Variants in EEPD1 observed in about 807,000 individuals in gnomAD.
EEPD1 encodes the protein endonuclease/exonuclease/phosphatase family domain-containing protein 1.
A neutral mutation model predicts 46.3 loss-of-function variants in EEPD1; 17 were observed. The ratio of observed to expected loss-of-function variants is 0.37; its 90% CI spans 0.25 to 0.55. EEPD1 has a LOEUF of 0.55. Among genes scored for constraint, EEPD1 ranks in the 20% least tolerant of loss-of-function variants. The pLI is 0.83. For synonymous variants in EEPD1, 313 were observed against 315.6 expected (o/e 0.99, Z 0.09); for missense variants, 673 against 745.6 (o/e 0.90, Z 1.13).
intron 3 of EEPD1, among the ~76,000 whole-genome samples, chr7:36,253,540 G>A (rs1289977862): frequency 6.6e-6 from 1 of 151,834 alleles, no homozygotes; most frequent in Non-Finnish European, 1.5e-5. Flanking sequence ...ATTGAAAGTG[G>A]GTATTGAACT....
At chr7:36,192,085 C>T (rs1237787546) in intron 2 of EEPD1, among the ~76,000 whole-genome samples, 2 of 152,236 alleles carry the variant, frequency 1.3e-5, no homozygotes, top group Admixed American at 6.5e-5. Flanking sequence ...ACACAGAGGC[C>T]TGAGTCGAAT....
chr7:36,191,021 A>G (rs17272724), intron 2 of EEPD1, among the ~76,000 whole-genome samples: 49,526 of 152,140 alleles, frequency 0.33, 9,304 homozygotes, highest in Non-Finnish European at 0.44. Flanking sequence ...TAGACTTACA[A>G]TGATTTCTAT....
intron 3 of EEPD1, among the ~76,000 whole-genome samples, chr7:36,261,280 G>A (rs1786917914): frequency 6.6e-6 from 1 of 152,214 alleles, no homozygotes; most frequent in Non-Finnish European, 1.5e-5. Context: ...TCCATTTATT[G>A]GGTTGGAAGA....
intron 2 of EEPD1, among the ~76,000 whole-genome samples, chr7:36,195,709 A>G (rs891720187): frequency 1.3e-5 from 2 of 152,166 alleles, no homozygotes; most frequent in Non-Finnish European, 2.9e-5. Context: ...AGAGAATAAC[A>G]ATGTATTCTA....
chr7:36,238,506 T>C (rs768060385), intron 2 of EEPD1, among the ~76,000 whole-genome samples: 1 of 152,238 alleles, frequency 6.6e-6, no homozygotes, highest in Non-Finnish European at 1.5e-5. Flanking sequence ...ATTTGTCTTT[T>C]GTGACTGGCT....
chr7:36,220,571 C>T (rs7780846), intron 2 of EEPD1, among the ~76,000 whole-genome samples: 17,232 of 152,212 alleles, frequency 0.11, 1,029 homozygotes, highest in East Asian at 0.21. Context: ...CCCTGAGCTC[C>T]AGTGGCAAAT....
intron 3 of EEPD1, among the ~76,000 whole-genome samples, chr7:36,242,316 G>A (rs1786568015): frequency 6.6e-6 from 1 of 151,980 alleles, no homozygotes; most frequent in South Asian, 2.1e-4. Flanking sequence ...CTCTCCCCGA[G>A]TCTGCTGATG....
At chr7:36,296,952 C>T (rs1787535209) in intron 6 of EEPD1, 41 bp from the exon 7 acceptor site, 3 of 1,605,182 alleles carry the variant, frequency 1.9e-6, no homozygotes, top group African/African-American at 2.7e-5. Context: ...GGTTTTACTT[C>T]CCAACAACTC....
rs746406539 is a variant in EEPD1 at position 36,299,091 on chromosome 7, G to A, written c.1595G>A (p.Cys532Tyr). 1 of 1,581,654 alleles carries A rather than the reference G, an allele frequency of 6.3e-7. No homozygotes were observed. The highest frequency in any genetic ancestry group is 8.6e-7 in the Non-Finnish European group (1 of 1,165,924). ...TGGGGCGGGGTGGCTTCTGAACACT[G>A]CCCAGTGCTAGCCGAGTTCTACACT... ...WSWGGVASEH[C>Y]PVLAEFYTEK... The change falls in exon 8 of 8, where the codon TGC becomes TAC. Residue 532 changes from cysteine (C) to tyrosine (Y), a missense_variant. Transcript: ENST00000242108.
intron 3 of EEPD1, among the ~76,000 whole-genome samples, chr7:36,275,447 T>TTTTA (rs1480492380): frequency 1.3e-5 from 2 of 151,978 alleles, no homozygotes; most frequent in Non-Finnish European, 2.9e-5. Context: ...TTATTATTAT[T>TTTTA]TTTATTTATT....
chr7:36,286,894 G>C (rs1253344889), intron 5 of EEPD1, among the ~76,000 whole-genome samples: 1 of 152,052 alleles, frequency 6.6e-6, no homozygotes, highest in South Asian at 2.1e-4. Context: ...GTCTCAAATT[G>C]CCTCAAGTGA....
chr7:36,238,189 G>A (rs1353266909), intron 2 of EEPD1, among the ~76,000 whole-genome samples: 2 of 152,146 alleles, frequency 1.3e-5, no homozygotes, highest in East Asian at 3.9e-4. Flanking sequence ...CATGTAATGA[G>A]CAGTGAGAGT....
chr7:36,299,093 C>G lies in EEPD1; in HGVS notation c.1597C>G (p.Pro533Ala). 2.6e-6 allele frequency: 4 copies of G among 1,565,772 alleles called. No homozygotes were observed. The highest frequency in any genetic ancestry group is 3.5e-6 in the Non-Finnish European group (4 of 1,158,372). The change falls in exon 8 of 8, where the codon CCA becomes GCA. Residue 533 changes from proline to alanine, a missense_variant. By Grantham distance (27) the Pro-to-Ala change is conservative. Transcript: ENST00000242108. ...GGGCGGGGTGGCTTCTGAACACTGC[C>G]CAGTGCTAGCCGAGTTCTACACTGA... ...SWGGVASEHC[P>A]VLAEFYTEKD...
chr7:36,207,569 T>C (rs1292888124), intron 2 of EEPD1, among the ~76,000 whole-genome samples: 1 of 152,164 alleles, frequency 6.6e-6, no homozygotes, highest in East Asian at 1.9e-4. Flanking sequence ...CTTGAAAAGG[T>C]GGTTCTTTAT....
intron 2 of EEPD1, among the ~76,000 whole-genome samples, chr7:36,218,596 G>A (rs1397809639): frequency 6.6e-6 from 1 of 152,122 alleles, no homozygotes. Context: ...TCACATCCCT[G>A]GTGAGACACA....
At chr7:36,153,928 C>T (rs367885442) in intron 1 of EEPD1, among the ~76,000 whole-genome samples, 21 of 152,172 alleles carry the variant, frequency 1.4e-4, no homozygotes, top group African/African-American at 4.8e-4. Context: ...CGGCTCGTAG[C>T]CTTTTTGGAC....
At chr7:36,188,213 TTCTC>T (rs1332187594) in intron 2 of EEPD1, among the ~76,000 whole-genome samples, 3 of 140,924 alleles carry the variant, frequency 2.1e-5, no homozygotes, top group African/African-American at 7.5e-5. Flanking sequence ...TACTCTCTCT[TTCTC>T]TCTCTCTCTT....
intron 3 of EEPD1, among the ~76,000 whole-genome samples, chr7:36,253,341 GGCATGTTAGGGACA>G (rs1224378125): frequency 1.3e-5 from 2 of 152,140 alleles, no homozygotes; most frequent in Non-Finnish European, 2.9e-5. Context: ...AATGAATTGA[GGCATGTTAGGGACA>G]GCCTAACATA....
intron 2 of EEPD1, among the ~76,000 whole-genome samples, chr7:36,205,437 G>A (rs1469996849): frequency 2.6e-5 from 4 of 152,212 alleles, no homozygotes; most frequent in South Asian, 4.1e-4. Context: ...TCATTGCAAC[G>A]TGATGATTTT....
Sources: gnomAD v4.1 joint callset for allele counts (sites outside exome capture counted in the v4.1 genomes callset) on GRCh38, gnomAD v4.1.1 for gene constraint, MANE v1.5 for transcripts, NCBI Gene and HGNC (gene_info 2026-07-23, HGNC 2026-07-21) for gene names.